CCDC9: variants seen among roughly 807,000 people sequenced by gnomAD.
CCDC9 encodes coiled-coil domain containing 9, also known as coiled-coil domain-containing protein 9.
In CCDC9, 52 loss-of-function variants were observed where a neutral mutation model predicts 65.6. That is an observed-to-expected ratio of 0.79 (90% confidence interval 0.63 to 1.00). CCDC9 has a LOEUF of 1.00. Among genes scored for constraint, CCDC9 ranks in the 50% least tolerant of loss-of-function variants. The pLI is 0.00. For missense variants in CCDC9, 834 were observed against 757.2 expected, an observed-to-expected ratio of 1.10 and a Z score of -1.19; for synonymous variants, 332 against 280.3, an observed-to-expected ratio of 1.18 and a Z score of -1.84.
chr19:47,258,779 C>A, intron 3 of CCDC9, 116 bp downstream of exon 3: 1 of 732,362 alleles, frequency 1.4e-6, no homozygotes, highest in Non-Finnish European at 2.4e-6. Flanking sequence ...AGGATAAAGG[C>A]CAAAGGCCTT....
At chr19:47,273,384 CGGA>C (rs1460367602), downstream of CCDC9, 8 of 1,231,736 alleles carry the variant, frequency 6.5e-6, no homozygotes, top group Admixed American at 4.2e-5. Context: ...CAGGAGACGG[CGGA>C]GATCACCGAC....
At chr19:47,265,927 C>T (rs1194972779) in intron 7 of CCDC9, among the ~76,000 whole-genome samples, 1 of 145,282 alleles carries the variant, frequency 6.9e-6, no homozygotes, top group East Asian at 2.1e-4. Flanking sequence ...ACCTCGTGAT[C>T]TGCCCGCCTC....
intron 6 of CCDC9, 43 bp downstream of exon 6, chr19:47,264,729 G>T: frequency 1.2e-6 from 2 of 1,603,316 alleles, no homozygotes; most frequent in Non-Finnish European, 1.7e-6. Context: ...GAGCTGCCTG[G>T]GCTGCGGGGA....
intron 3 of CCDC9, 124 bp downstream of exon 3, chr19:47,258,787 C>T (rs1224801135): frequency 1.5e-6 from 1 of 679,258 alleles, no homozygotes; most frequent in Non-Finnish European, 2.6e-6. Context: ...GGCCAAAGGC[C>T]TTAGCCTGAC....
At chr19:47,259,401 G>A (rs1007750804) in intron 3 of CCDC9, among the ~76,000 whole-genome samples, 2 of 152,118 alleles carry the variant, frequency 1.3e-5, no homozygotes, top group Non-Finnish European at 2.9e-5. Flanking sequence ...GCGGTGGTGG[G>A]TGCGAGGAGG....
In CCDC9 at chr19:47,266,784, C is replaced by G; in HGVS notation, c.894C>G (p.Thr298=). ...QWRREWDAEK[T]DGMFKDGPVP... ...GGCGCGAGTGGGATGCCGAGAAGAC[C>G]GATGGGATGTGAGTCTCCTCCCCGC... The change falls in exon 8 of 12, where the codon ACC becomes ACG. Residue 298 remains threonine, a synonymous_variant. Coordinates refer to ENST00000221922, the MANE Select transcript of CCDC9 (RefSeq NM_015603.3). 1.9e-6 allele frequency: 3 copies of G among 1,607,690 alleles called. No homozygotes were observed. The highest frequency in any genetic ancestry group is 2.5e-6 in the Non-Finnish European group (3 of 1,177,274).
At position 47,270,635 on chromosome 19, in the gene CCDC9, CAGA is replaced by C. The variant is rs1422520672; in HGVS notation, c.1035_1037del (p.Arg347del). The C allele has an allele frequency of 1.2e-6, 2 of 1,612,814 alleles. No individual in the cohort carries two copies. The highest frequency in any genetic ancestry group is 2.7e-5 in the African/African-American group (2 of 74,910). On this transcript the variant is annotated inframe_deletion, in exon 10 of 12. Transcript: ENST00000221922. Reference sequence around the variant, plus strand: ...AGCACAAAGCTGAGGCCAGCAGCCGCAGAAGGAGAAAGAGCAGTCGGCCCCAGG... The same window carrying C: ...AGCACAAAGCTGAGGCCAGCAGCCGCAGGAGAAAGAGCAGTCGGCCCCAGG...
At position 47,271,710 on chromosome 19, in the gene CCDC9, T is replaced by TGG. The variant is rs2059120696; in HGVS notation, c.*33_*34insGG. ...CTGCCTGTGTGTGTGTGTGTGTGTG[T>TGG]GTGTGTGTGTGTGTGTGTGTGTGCG... On this transcript the variant is annotated 3_prime_UTR_variant, in exon 12 of 12. Coordinates refer to ENST00000221922, the MANE Select transcript of CCDC9 (RefSeq NM_015603.3). The TGG allele has an allele frequency of 7.3e-7, 1 of 1,365,250 alleles. No individual in the cohort carries two copies. Among genetic ancestry groups the TGG allele is most frequent in the South Asian group, 1.4e-5 (1 of 72,496 alleles). 84.6% of individuals were successfully genotyped at this position (1,365,250 alleles called of 1,614,324 possible). A position where few individuals can be genotyped will look rare whatever the true frequency, so the allele number is the denominator to read the frequency against.
In CCDC9 at chr19:47,264,940, G is replaced by A. The variant is rs201513324; in HGVS notation, c.714G>A (p.Glu238=). 6.9e-7 allele frequency: 1 copy of A among 1,446,664 alleles called. No individual in the cohort carries two copies. The highest frequency in any genetic ancestry group is 9.1e-7 in the Non-Finnish European group (1 of 1,103,610). The allele number at this position is 1,446,664 out of a possible 1,614,324, so 89.6% of individuals were successfully genotyped here. ...GGGTGCGCTGTGGCCTTGAGCACGAGCGGCAGGTGGGTGTTGGCAGTGAGG... is the reference window on the plus strand; with the variant it reads ...GGGTGCGCTGTGGCCTTGAGCACGAACGGCAGGTGGGTGTTGGCAGTGAGG... The part of the protein sequence containing the change: ...FERVRCGLEH[E]RQGRRAGLGS... Residue 238 remains glutamate (E), a synonymous_variant, in exon 7 of 12, where the codon GAG becomes GAA. Transcript: ENST00000221922.
downstream of CCDC9, chr19:47,273,579 C>T (rs756927796): frequency 4.8e-6 from 2 of 415,842 alleles, no homozygotes; most frequent in Non-Finnish European, 8.2e-6. Flanking sequence ...GGGGGAGGAG[C>T]CAGGGTCTGC....
chr19:47,273,323 T>C, downstream of CCDC9: 1 of 1,215,926 alleles, frequency 8.2e-7, no homozygotes, highest in East Asian at 3.2e-5. Context: ...GGAAGACTGC[T>C]CCCCTCCGCT....
intron 5 of CCDC9, among the ~76,000 whole-genome samples, chr19:47,264,325 T>G (rs1477160380): frequency 6.6e-6 from 1 of 152,182 alleles, no homozygotes; most frequent in Non-Finnish European, 1.5e-5. Context: ...TGGAGGCTAG[T>G]TTTGAACGCA....
At chr19:47,260,908 C>A in intron 5 of CCDC9, 69 bp downstream of exon 5, 1 of 1,533,272 alleles carries the variant, frequency 6.5e-7, no homozygotes, top group South Asian at 1.2e-5. Context: ...TTTTCCTCCT[C>A]TCAGATGCAC....
Position 47,271,689 on chromosome 19 carries a change from C to CTCTGTGTGTGTGTG in CCDC9, c.*12_*13insCTGTGTGTGTGTGT. The CTCTGTGTGTGTGTG allele has an allele frequency of 8.9e-7, 1 of 1,125,994 alleles. No homozygotes were observed. Among genetic ancestry groups the CTCTGTGTGTGTGTG allele is most frequent in the Non-Finnish European group, 1.2e-6 (1 of 803,496 alleles). 69.8% of individuals were successfully genotyped at this position (1,125,994 alleles called of 1,614,324 possible). A position where few individuals can be genotyped will look rare whatever the true frequency, so the allele number is the denominator to read the frequency against. The stretch of plus-strand genomic sequence containing the variant: ...TTTGAGAGTGTATGAAGCTGGCTGC[C>CTCTGTGTGTGTGTG]TGTGTGTGTGTGTGTGTGTGTGTGT... On this transcript the variant is annotated 3_prime_UTR_variant, in exon 12 of 12. Transcript: ENST00000221922.
intron 8 of CCDC9, 73 bp from the exon 9 acceptor site, chr19:47,270,334 C>T (rs1387196615): frequency 3.5e-6 from 5 of 1,447,250 alleles, no homozygotes; most frequent in South Asian, 2.3e-5. Context: ...CTGACCCTGA[C>T]CTCTCCCATC....
chr19:47,257,192 C>T (rs1395820970), intron 1 of CCDC9, among the ~76,000 whole-genome samples: 1 of 151,706 alleles, frequency 6.6e-6, no homozygotes, highest in Non-Finnish European at 1.5e-5. Flanking sequence ...ATGGGCGGGG[C>T]CAGATGCTGA....
intron 7 of CCDC9, 189 bp from the exon 8 acceptor site, chr19:47,266,422 G>A (rs955150675): frequency 9.5e-6 from 7 of 737,124 alleles, no homozygotes; most frequent in African/African-American, 9.1e-5. Flanking sequence ...CAGCTGAGGG[G>A]ACAGAGGGAT....
intron 2 of CCDC9, 24 bp downstream of exon 2, chr19:47,258,427 T>C: frequency 1.2e-6 from 2 of 1,613,980 alleles, no homozygotes; most frequent in South Asian, 1.1e-5. Flanking sequence ...ATGGGGTCTC[T>C]AGAATCTGAG....
intron 3 of CCDC9, 42 bp downstream of exon 3, chr19:47,258,705 C>T (rs915348131): frequency 6.8e-7 from 1 of 1,468,118 alleles, no homozygotes; most frequent in Non-Finnish European, 9.6e-7. Flanking sequence ...CCCTCTCTTC[C>T]CCGCAGTGAG....
Sources: allele counts gnomAD v4.1 joint callset (sites outside exome capture counted in the v4.1 genomes callset), GRCh38; gene constraint gnomAD v4.1.1; transcripts MANE v1.5; gene names NCBI Gene and HGNC (gene_info 2026-07-23, HGNC 2026-07-21).